The following PCDH15 variants were observed in gnomAD, a reference collection of about 807,000 sequenced individuals.
The protein encoded by PCDH15 is protocadherin related 15.
In PCDH15, 129 loss-of-function variants were observed where a neutral mutation model predicts 178.5. The ratio of observed to expected loss-of-function variants is 0.72; its 90% CI spans 0.63 to 0.84. The LOEUF (loss-of-function observed/expected upper bound fraction) is 0.84. Ranked by LOEUF, PCDH15 falls within the 40% of genes least tolerant of loss-of-function variation. The probability of loss-of-function intolerance (pLI) is 0.00; values close to 1 mark genes in which losing one functional copy is unlikely to be tolerated. For missense variants in PCDH15, 2,230 were observed against 2,099.9 expected, an observed-to-expected ratio of 1.06 and a Z score of -1.21; for synonymous variants, 800 against 732.0, an observed-to-expected ratio of 1.09 and a Z score of -1.50.
At chr10:54,702,400 A>G (rs2095317732) in intron 1 of PCDH15, among the ~76,000 whole-genome samples, 1 of 152,006 alleles carries the variant, frequency 6.6e-6, no homozygotes, top group African/African-American at 2.4e-5. Flanking sequence ...AGACCTGAAA[A>G]CCATACAAAA....
At chr10:55,501,030 C>G (rs769624755) in intron 2 of PCDH15, among the ~76,000 whole-genome samples, 4 of 151,698 alleles carry the variant, frequency 2.6e-5, no homozygotes, top group Non-Finnish European at 4.4e-5. Context: ...TATTTGAAAA[C>G]AGGATCTTTG....
rs771258779 is a variant in PCDH15 at position 53,822,029 on chromosome 10, C to A, written c.4368-1799G>T. 3.1e-6 allele frequency: 5 copies of A among 1,613,998 alleles called. No individual in the cohort carries two copies. The South Asian group carries it at 5.5e-5, about 18-fold the overall frequency. ...GATAGTTTTTTTCTATTTGACTGTA[C>A]ATGTTAGCTACTGATTTTTCAAGTT... is the stretch of plus-strand genomic sequence containing the variant. On this transcript the variant is annotated intron_variant, in intron 32 of 37. Transcript: ENST00000644397.
At chr10:55,108,245 G>T (rs1390852875) in intron 2 of PCDH15, among the ~76,000 whole-genome samples, 1 of 152,156 alleles carries the variant, frequency 6.6e-6, no homozygotes, top group African/African-American at 2.4e-5. Context: ...TAGCTACCTG[G>T]AAGGACTAAG....
Position 54,027,996 on chromosome 10 carries a change from G to A in PCDH15, c.2221-4799C>T, listed in dbSNP as rs928598816. Among the ~76,000 whole-genome samples the A allele has an allele frequency of 3.1e-3, 462 of 150,774 alleles. 2 individuals carry two copies. The highest frequency in any genetic ancestry group is 0.011 in the African/African-American group (436 of 41,248). On this transcript the variant is annotated intron_variant, in intron 18 of 37. Transcript: ENST00000644397. ...CAGCAAAAGAAACTACCATCAGAGT[G>A]AACAGGCAACCCACACAATGGGAGA...
intron 2 of PCDH15, among the ~76,000 whole-genome samples, chr10:54,570,225 T>C (rs1206070993): frequency 1.3e-5 from 2 of 152,156 alleles, no homozygotes; most frequent in Non-Finnish European, 2.9e-5. Context: ...TGTCTGGCTA[T>C]ATACGTGACT....
At chr10:55,341,860 C>T (rs1462946283) in intron 2 of PCDH15, among the ~76,000 whole-genome samples, 1 of 125,424 alleles carries the variant, frequency 8.0e-6, no homozygotes, top group Admixed American at 9.4e-5. Context: ...CCATGTTGCC[C>T]AGGATGGTAT....
Position 54,421,516 on chromosome 10 carries a change from GTTTAT to G in PCDH15, c.158-42579_158-42575del, listed in dbSNP as rs562034298. On this transcript the variant is annotated intron_variant, in intron 3 of 37. Coordinates refer to ENST00000644397, the MANE Select transcript of PCDH15 (RefSeq NM_001384140.1). ...TTATGTATATTATAAAATGAATATA[GTTTAT>G]ATTATAATAAAAATAAAAGAAGTAG... 8.2e-3 allele frequency among the ~76,000 whole-genome samples: 1,165 copies of G among 141,504 alleles called. 18 individuals are homozygous for G. The highest frequency in any genetic ancestry group is 0.028 in the African/African-American group (1,104 of 39,556). 92.8% of individuals were successfully genotyped at this position (141,504 alleles called of 152,430 possible). A position where few individuals can be genotyped will look rare whatever the true frequency, so the allele number is the denominator to read the frequency against.
chr10:55,138,806 T>C (rs929674374), intron 2 of PCDH15, among the ~76,000 whole-genome samples: 1 of 152,176 alleles, frequency 6.6e-6, no homozygotes, highest in Admixed American at 6.6e-5. Context: ...CGGTCAATAA[T>C]TTCTCCAGTT....
intron 20 of PCDH15, among the ~76,000 whole-genome samples, chr10:54,011,261 A>G (rs1031002889): frequency 6.6e-6 from 1 of 152,156 alleles, no homozygotes; most frequent in East Asian, 1.9e-4. Context: ...AAAGACCCTG[A>G]GTGCTTTAGC....
intron 2 of PCDH15, among the ~76,000 whole-genome samples, chr10:55,439,503 A>G (rs1036118340): frequency 1.2e-4 from 18 of 152,190 alleles, no homozygotes; most frequent in African/African-American, 3.4e-4. Context: ...AAATTAATGT[A>G]GCTGAAGACT....
intron 18 of PCDH15, among the ~76,000 whole-genome samples, chr10:54,031,447 G>A (rs895936424): frequency 6.6e-6 from 1 of 151,862 alleles, no homozygotes; most frequent in African/African-American, 2.4e-5. Flanking sequence ...CATGTATTAT[G>A]TAATAGGAGA....
At chr10:54,922,529 G>A (rs914348874) in intron 2 of PCDH15, among the ~76,000 whole-genome samples, 1 of 151,972 alleles carries the variant, frequency 6.6e-6, no homozygotes, top group Non-Finnish European at 1.5e-5. Flanking sequence ...AGTTAATGCT[G>A]GAAAGAATTA....
rs188710482 is a variant in PCDH15, at chr10:54,298,371, C to T, written c.876+18900G>A. Among the ~76,000 whole-genome samples the T allele has an allele frequency of 2.6e-3, 393 of 152,262 alleles. 1 individual carries two copies. Among genetic ancestry groups the T allele is most frequent in the African/African-American group, 7.1e-3 (295 of 41,540 alleles). ...GTTCTATAATAGGGACCAAGAGGAA[C>T]CGGCCCAAAAGGAAAAGCGAGATCA... On this transcript the variant is annotated intron_variant, in intron 8 of 37. Transcript: ENST00000644397.
intron 1 of PCDH15, among the ~76,000 whole-genome samples, chr10:55,265,234 G>T (rs530396429): frequency 3.3e-5 from 5 of 151,678 alleles, no homozygotes; most frequent in African/African-American, 1.2e-4. Flanking sequence ...AATCAAGGGG[G>T]ATCTTGGTAA....
intron 3 of PCDH15, among the ~76,000 whole-genome samples, chr10:54,518,327 AG>A (rs1438650948): frequency 3.3e-5 from 5 of 151,958 alleles, no homozygotes; most frequent in African/African-American, 1.2e-4. Context: ...AGACTAATAA[AG>A]AAAAAAAGAG....
chr10:54,123,184 C>T (rs1261562643), intron 15 of PCDH15, among the ~76,000 whole-genome samples: 1 of 152,042 alleles, frequency 6.6e-6, no homozygotes, highest in African/African-American at 2.4e-5. Context: ...CCTAATTAAA[C>T]TAAAGAGCTT....
At chr10:55,442,577 A>G (rs2384660) in intron 2 of PCDH15, among the ~76,000 whole-genome samples, 113,220 of 148,080 alleles carry the variant, frequency 0.76, 44,628 homozygotes, top group East Asian at 1. Flanking sequence ...TATCATCTTT[A>G]TTATCTATGG....
intron 2 of PCDH15, among the ~76,000 whole-genome samples, chr10:54,558,704 A>G (rs771415133): frequency 1.3e-5 from 2 of 152,064 alleles, no homozygotes; most frequent in African/African-American, 2.4e-5. Context: ...TTCTTCTATT[A>G]CTATTAATAC....
Position 55,429,356 on chromosome 10 carries a change from G to C in PCDH15, c.-156+198269C>G, listed in dbSNP as rs143625260. Among the ~76,000 whole-genome samples, 270 of 152,208 alleles carry C rather than the reference G, an allele frequency of 1.8e-3. 2 individuals are homozygous for C. Among genetic ancestry groups the C allele is most frequent in the Non-Finnish European group, 2.8e-3 (190 of 67,946 alleles). ...TATTTTTGCTAATGATAGGACACTA[G>C]TAATACAGGTTTAGGCTTTACCTCC... is the stretch of plus-strand genomic sequence containing the variant. On this transcript the variant is annotated intron_variant, in intron 2 of 5. Coordinates refer to the PCDH15 transcript ENST00000613346.
Sources: allele counts gnomAD v4.1 joint callset (sites outside exome capture counted in the v4.1 genomes callset), GRCh38; gene constraint gnomAD v4.1.1; transcripts MANE v1.5; gene names NCBI Gene and HGNC (gene_info 2026-07-23, HGNC 2026-07-21).